FBXO34: variants seen among roughly 807,000 people sequenced by gnomAD.
FBXO34 encodes the protein F-box only protein 34.
In FBXO34, 12 loss-of-function variants were observed where a neutral mutation model predicts 24.5. The ratio of observed to expected loss-of-function variants is 0.49; its 90% CI spans 0.31 to 0.79. The LOEUF (loss-of-function observed/expected upper bound fraction) is 0.79. Ranked by LOEUF, FBXO34 falls within the 30% of genes least tolerant of loss-of-function variation. The pLI is 0.04. For synonymous variants in FBXO34, 320 were observed against 311.9 expected (o/e 1.03, Z -0.27); for missense variants, 823 against 857.7 (o/e 0.96, Z 0.51).
chr14:55,389,916 G>A, the FBXO34 span, among the ~76,000 whole-genome samples: 3 of 151,998 alleles, frequency 2.0e-5, no homozygotes, highest in African/African-American at 7.2e-5. Context: ...GTACAAATAT[G>A]ATGTAAGATT....
intron 1 of FBXO34, among the ~76,000 whole-genome samples, chr14:55,312,757 C>T (rs1430115217): frequency 2.0e-5 from 3 of 152,202 alleles, no homozygotes; most frequent in Non-Finnish European, 2.9e-5. Flanking sequence ...AGTGGGGATG[C>T]GGGGCACCAA....
At chr14:55,283,153 A>G (rs1306687440) in intron 1 of FBXO34, among the ~76,000 whole-genome samples, 2 of 152,184 alleles carry the variant, frequency 1.3e-5, no homozygotes, top group Non-Finnish European at 2.9e-5. Context: ...GACTATCAAA[A>G]TGTTTCCTGA....
At chr14:55,370,512 T>G (rs200043542), downstream of FBXO34, among the ~76,000 whole-genome samples, 1 of 152,168 alleles carries the variant, frequency 6.6e-6, no homozygotes, top group African/African-American at 2.4e-5. Flanking sequence ...GAGAAAACAA[T>G]TTTTATTTCT....
At chr14:55,428,979 G>A in the FBXO34 span, 44 of 1,613,928 alleles carry the variant, frequency 2.7e-5, no homozygotes, top group Non-Finnish European at 3.5e-5. Context: ...TCTTCACTGG[G>A]GAGGGGCAAA....
At chr14:55,394,147 CA>C in the FBXO34 span, among the ~76,000 whole-genome samples, 1 of 151,838 alleles carries the variant, frequency 6.6e-6, no homozygotes, top group Non-Finnish European at 1.5e-5. Context: ...GCTGGGATTA[CA>C]GGCGTGTGCC....
intron 1 of FBXO34, among the ~76,000 whole-genome samples, chr14:55,306,405 A>G (rs1429098873): frequency 6.6e-6 from 1 of 152,246 alleles, no homozygotes; most frequent in African/African-American, 2.4e-5. Context: ...ATATGTTTTT[A>G]AAGTTTTCCA....
chr14:55,313,947 G>A (rs1882839780), intron 1 of FBXO34, among the ~76,000 whole-genome samples: 1 of 152,202 alleles, frequency 6.6e-6, no homozygotes, highest in Non-Finnish European at 1.5e-5. Context: ...CTGGCATGCA[G>A]GCTGGAGTGC....
chr14:55,295,833 C>T (rs1882102861), intron 1 of FBXO34, among the ~76,000 whole-genome samples: 1 of 152,306 alleles, frequency 6.6e-6, no homozygotes, highest in South Asian at 2.1e-4. Context: ...AAACACTTTC[C>T]TGTTATAGTA....
chr14:55,389,972 A>G, the FBXO34 span, among the ~76,000 whole-genome samples: 2 of 152,224 alleles, frequency 1.3e-5, no homozygotes, highest in Non-Finnish European at 2.9e-5. Context: ...AAAAAAAACA[A>G]TATTCTGTGC....
intron 1 of FBXO34, among the ~76,000 whole-genome samples, chr14:55,313,810 T>C (rs915460898): frequency 2.0e-5 from 3 of 152,158 alleles, no homozygotes; most frequent in Non-Finnish European, 2.9e-5. Flanking sequence ...TTTACCTCCA[T>C]CTGCTCCCTC....
the FBXO34 span, among the ~76,000 whole-genome samples, chr14:55,432,424 AAC>A: frequency 6.6e-6 from 1 of 150,440 alleles, no homozygotes; most frequent in Non-Finnish European, 1.5e-5. Context: ...GAAAAAAAAA[AAC>A]AACAAATAAA....
At chr14:55,430,202 C>A in the FBXO34 span, among the ~76,000 whole-genome samples, 3 of 152,202 alleles carry the variant, frequency 2.0e-5, no homozygotes, top group East Asian at 3.9e-4. Context: ...ATTCCACCCC[C>A]CTCATGGGTT....
chr14:55,316,006 C>G (rs901690207), intron 1 of FBXO34, among the ~76,000 whole-genome samples: 1 of 151,924 alleles, frequency 6.6e-6, no homozygotes, highest in African/African-American at 2.4e-5. Context: ...TGTTTTTCTC[C>G]TTTTCTATTG....
intron 1 of FBXO34, among the ~76,000 whole-genome samples, chr14:55,328,481 A>G (rs1426474627): frequency 2.0e-5 from 3 of 152,236 alleles, no homozygotes; most frequent in Non-Finnish European, 2.9e-5. Context: ...TGGGAAGCCT[A>G]GACAGCGTGG....
In FBXO34 at chr14:55,350,954, T is replaced by G; in HGVS notation, c.564T>G (p.Ser188=). 1.2e-6 allele frequency: 2 copies of G among 1,614,218 alleles called. No homozygotes were observed. Among genetic ancestry groups the G allele is most frequent in the Non-Finnish European group, 1.7e-6 (2 of 1,180,034 alleles). ...TTGCATGTGGCATTGAGCACTGTTC[T>G]GTGCACTATGTGAGTGACAGTGGGG... ...EPFACGIEHC[S]VHYVSDSGDG... The change falls in exon 2 of 2, where the codon TCT becomes TCG. Residue 188 remains serine (S), a synonymous_variant. Coordinates refer to ENST00000313833, the MANE Select transcript of FBXO34 (RefSeq NM_017943.4).
intron 1 of FBXO34, among the ~76,000 whole-genome samples, chr14:55,335,891 A>G (rs1883759471): frequency 6.6e-6 from 1 of 152,212 alleles, no homozygotes; most frequent in Non-Finnish European, 1.5e-5. Flanking sequence ...TAATGGCTAC[A>G]TCACTATTAA....
chr14:55,340,248 C>T (rs149955268), intron 1 of FBXO34, among the ~76,000 whole-genome samples: 91 of 152,160 alleles, frequency 6.0e-4, no homozygotes, highest in Non-Finnish European at 1.0e-3. Flanking sequence ...TTTTTACCAA[C>T]GTTTGCTTGC....
chr14:55,370,644 T>C (rs891160714), downstream of FBXO34, among the ~76,000 whole-genome samples: 2 of 151,794 alleles, frequency 1.3e-5, no homozygotes, highest in Non-Finnish European at 2.9e-5. Flanking sequence ...TTTCTGCATT[T>C]CTTTTTTTTT....
chr14:55,411,782 G>C, the FBXO34 span: 1 of 1,602,686 alleles, frequency 6.2e-7, no homozygotes, highest in Non-Finnish European at 8.5e-7. Context: ...GCAGCCAGGA[G>C]CCTCCAGCGC....
Sources: allele counts gnomAD v4.1 joint callset (sites outside exome capture counted in the v4.1 genomes callset), GRCh38; gene constraint gnomAD v4.1.1; transcripts MANE v1.5; gene names NCBI Gene and HGNC (gene_info 2026-07-23, HGNC 2026-07-21).